The following VAV3 variants were observed in gnomAD, a reference collection of about 807,000 sequenced individuals.
The protein encoded by VAV3 is guanine nucleotide exchange factor VAV3.
A neutral mutation model predicts 131.2 loss-of-function variants in VAV3; 94 were observed. The ratio of observed to expected loss-of-function variants is 0.72; its 90% CI spans 0.61 to 0.85. The LOEUF is 0.85. Among genes scored for constraint, VAV3 ranks in the 40% least tolerant of loss-of-function variants. VAV3 has a pLI of 0.00. For missense variants in VAV3, 939 were observed against 1,002.7 expected (o/e 0.94, Z 0.86); for synonymous variants, 349 against 342.0 (o/e 1.02, Z -0.22).
intron 2 of VAV3, among the ~76,000 whole-genome samples, chr1:107,859,276 AC>A (rs996611104): frequency 2.0e-5 from 3 of 152,020 alleles, no homozygotes; most frequent in East Asian, 3.9e-4. Flanking sequence ...TCACTATGTT[AC>A]CCAGGCTGGT....
intron 24 of VAV3, among the ~76,000 whole-genome samples, chr1:107,599,348 T>C (rs1386713019): frequency 6.6e-6 from 1 of 152,190 alleles, no homozygotes; most frequent in Non-Finnish European, 1.5e-5. Flanking sequence ...TTAACAGTCA[T>C]TGACCTTCAG....
chr1:107,614,972 A>G (rs949943579), intron 21 of VAV3, among the ~76,000 whole-genome samples: 7 of 152,168 alleles, frequency 4.6e-5, no homozygotes, highest in African/African-American at 1.4e-4. Context: ...ATACATCACT[A>G]CTTTACAGAT....
At chr1:107,576,019 T>C (rs1467003392) in intron 25 of VAV3, among the ~76,000 whole-genome samples, 1 of 152,222 alleles carries the variant, frequency 6.6e-6, no homozygotes, top group Admixed American at 6.5e-5. Context: ...ATTTTATTTC[T>C]ATTTATTTTC....
intron 2 of VAV3, among the ~76,000 whole-genome samples, chr1:107,854,513 T>C (rs1221674015): frequency 6.6e-6 from 1 of 152,200 alleles, no homozygotes; most frequent in Non-Finnish European, 1.5e-5. Context: ...GAATCTAATA[T>C]ATTAGATAAC....
Position 107,828,513 on chromosome 1 carries a change from A to G in VAV3, c.321+46388T>C, listed in dbSNP as rs191817867. On this transcript the variant is annotated intron_variant, in intron 2 of 26. Transcript: ENST00000370056. ...GAGACGCATGTTGAATTTTTGACTT[A>G]CAAAAATCACGGGGTTGGCAGGGTA... is the stretch of plus-strand genomic sequence containing the variant. 1.4e-3 allele frequency among the ~76,000 whole-genome samples: 214 copies of G among 152,276 alleles called. 1 individual carries two copies. The highest frequency in any genetic ancestry group is 4.7e-3 in the African/African-American group (196 of 41,578).
chr1:107,871,001 C>T (rs1670226492), intron 2 of VAV3, among the ~76,000 whole-genome samples: 1 of 152,170 alleles, frequency 6.6e-6, no homozygotes, highest in Non-Finnish European at 1.5e-5. Flanking sequence ...TGCTTCTGCA[C>T]TGTCAATGTG....
chr1:107,611,596 CA>C (rs66982121), intron 21 of VAV3, among the ~76,000 whole-genome samples: 16,157 of 119,912 alleles, frequency 0.13, 1,004 homozygotes, highest in South Asian at 0.27. Flanking sequence ...CATAGAGAAC[CA>C]AAAAAAAAAA....
chr1:107,624,688 T>G (rs898925900), intron 20 of VAV3, among the ~76,000 whole-genome samples: 6 of 152,164 alleles, frequency 3.9e-5, no homozygotes, highest in Non-Finnish European at 8.8e-5. Flanking sequence ...AAAGAAAATA[T>G]TCTGAGTCAT....
intron 1 of VAV3, among the ~76,000 whole-genome samples, chr1:107,961,550 C>G (rs1213859510): frequency 6.6e-6 from 1 of 152,160 alleles, no homozygotes; most frequent in Non-Finnish European, 1.5e-5. Context: ...CACTGGCCAA[C>G]TGCATTTTAT....
chr1:107,584,030 A>T (rs1196014708), intron 25 of VAV3, among the ~76,000 whole-genome samples: 1 of 152,184 alleles, frequency 6.6e-6, no homozygotes, highest in Non-Finnish European at 1.5e-5. Flanking sequence ...CAGTAACCAA[A>T]ACAGCATGGT....
At chr1:107,927,564 G>A (rs1232364214) in intron 1 of VAV3, among the ~76,000 whole-genome samples, 1 of 152,108 alleles carries the variant, frequency 6.6e-6, no homozygotes, top group Admixed American at 6.5e-5. Context: ...CCTGTAAGGG[G>A]AGTCCCAGGT....
intron 21 of VAV3, among the ~76,000 whole-genome samples, chr1:107,612,128 TTA>T (rs3040786): frequency 0.37 from 54,665 of 148,274 alleles, 10,400 homozygotes; most frequent in Middle Eastern, 0.43. Flanking sequence ...CCGTACAAAA[TTA>T]TATATATATA....
chr1:107,753,549 T>TATATACACAC (rs771773884), intron 12 of VAV3, among the ~76,000 whole-genome samples: 1 of 82,052 alleles, frequency 1.2e-5, no homozygotes, highest in African/African-American at 4.6e-5. Flanking sequence ...TATATATATA[T>TATATACACAC]ACACACACAC....
intron 25 of VAV3, among the ~76,000 whole-genome samples, chr1:107,585,830 C>A (rs1650440782): frequency 6.6e-6 from 1 of 151,904 alleles, no homozygotes; most frequent in Non-Finnish European, 1.5e-5. Context: ...GGCACAAATG[C>A]TCTACACACA....
At chr1:107,722,840 CTTTTT>C (rs374127110) in intron 15 of VAV3, among the ~76,000 whole-genome samples, 1 of 129,812 alleles carries the variant, frequency 7.7e-6, no homozygotes, top group Non-Finnish European at 1.6e-5. Context: ...ATTATCCTCT[CTTTTT>C]TTTTTTTTTT....
At chr1:107,707,309 G>C (rs998855528) in intron 15 of VAV3, among the ~76,000 whole-genome samples, 1 of 152,204 alleles carries the variant, frequency 6.6e-6, no homozygotes, top group Non-Finnish European at 1.5e-5. Context: ...ACAGGAATCT[G>C]AAACTAGACC....
chr1:107,669,544 TC>T (rs1657634923), intron 19 of VAV3: 81 of 1,241,324 alleles, frequency 6.5e-5, no homozygotes, highest in Middle Eastern at 2.4e-4. Flanking sequence ...TCCATTCCTA[TC>T]TTTGATACTC....
chr1:107,726,739 T>C (rs1265774509), intron 15 of VAV3, among the ~76,000 whole-genome samples: 1 of 152,192 alleles, frequency 6.6e-6, no homozygotes, highest in African/African-American at 2.4e-5. Context: ...TCATTTATAA[T>C]GAAATTGATT....
At chr1:107,645,845 T>G (rs1247416906) in intron 19 of VAV3, among the ~76,000 whole-genome samples, 1 of 152,112 alleles carries the variant, frequency 6.6e-6, no homozygotes, top group African/African-American at 2.4e-5. Context: ...TTAGAAAATA[T>G]GCCTCTGATA....
Sources: allele counts gnomAD v4.1 joint callset (sites outside exome capture counted in the v4.1 genomes callset), GRCh38; gene constraint gnomAD v4.1.1; transcripts MANE v1.5; gene names NCBI Gene and HGNC (gene_info 2026-07-23, HGNC 2026-07-21).